The following ZNF70 variants were observed in gnomAD, a reference collection of about 807,000 sequenced individuals.
ZNF70 encodes the protein zinc finger protein N27C7-1.
In ZNF70, 18 loss-of-function variants were observed where a neutral mutation model predicts 37.7. The ratio of observed to expected loss-of-function variants is 0.48; its 90% CI spans 0.33 to 0.71. ZNF70 has a LOEUF of 0.71. ZNF70 is among the 30% of genes least tolerant of loss of function. ZNF70 has a pLI of 0.02. For synonymous variants in ZNF70, 219 were observed against 220.1 expected (o/e 0.99, Z 0.05); for missense variants, 506 against 568.6 (o/e 0.89, Z 1.12).
rs1309573388 is a variant in ZNF70 at position 23,750,949 on chromosome 22, C to T, written c.-318G>A. 6.6e-6 allele frequency: 1 copy of T among 152,342 alleles called. No homozygotes were observed. Among genetic ancestry groups the T allele is most frequent in the Non-Finnish European group, 1.5e-5 (1 of 68,142 alleles). The allele number at this position is 152,342 out of a possible 1,614,324, so 9.4% of individuals were successfully genotyped here. A position where few individuals can be genotyped will look rare whatever the true frequency, so the allele number is the denominator to read the frequency against. On this transcript the variant is annotated 5_prime_UTR_variant, in exon 1 of 2. Coordinates refer to ENST00000341976, the MANE Select transcript of ZNF70 (RefSeq NM_021916.4). ...GGAGGGACAGGTGGTCAGGCGGACTCAGGTCACACCGGCGGACGCGGGGCC... is the reference window on the plus strand; with the variant it reads ...GGAGGGACAGGTGGTCAGGCGGACTTAGGTCACACCGGCGGACGCGGGGCC...
chr22:23,745,396 C>A (rs1246684188), intron 1 of ZNF70, among the ~76,000 whole-genome samples, 177 bp from the exon 2 acceptor site: 1 of 152,158 alleles, frequency 6.6e-6, no homozygotes, highest in Non-Finnish European at 1.5e-5. Flanking sequence ...CAATTGAAGG[C>A]AGACAGACAG....
In ZNF70 at chr22:23,741,155, A is replaced by G. The variant is rs1362850554; in HGVS notation, c.*2645T>C. 2 of 152,282 alleles carry G rather than the reference A, an allele frequency of 1.3e-5. No individual in the cohort carries two copies. Among genetic ancestry groups the G allele is most frequent in the East Asian group, 3.8e-4 (2 of 5,196 alleles). 9.4% of individuals were successfully genotyped at this position (152,282 alleles called of 1,614,324 possible). ...GTGCAAAATGATGCTTTAAAAATCA[A>G]TTTGGCTGGGGTGTGCAGGAAGGAT... On this transcript the variant is annotated 3_prime_UTR_variant, in exon 2 of 2. Transcript: ENST00000341976.
At position 23,744,712 on chromosome 22, in the gene ZNF70, T is replaced by C. The variant is rs1470421593; in HGVS notation, c.429A>G (p.Arg143=). ...TCTGGCTGAAGGCCTTCCCACACTC[T>C]CGACACGCATAGGGCTTGGCTGGTT... ...TPQPAKPYAC[R]ECGKAFSQSS... The change falls in exon 2 of 2, where the codon CGA becomes CGG. Residue 143 remains arginine (R), a synonymous_variant. Transcript: ENST00000341976. The C allele has an allele frequency of 4.3e-6, 7 of 1,614,064 alleles. No homozygotes were observed. Among genetic ancestry groups the C allele is most frequent in the African/African-American group, 2.7e-5 (2 of 74,922 alleles).
Position 23,745,041 on chromosome 22 carries a change from G to A in ZNF70, c.100C>T (p.Pro34Ser). 6.2e-7 allele frequency: 1 copy of A among 1,614,092 alleles called. No homozygotes were observed. The highest frequency in any genetic ancestry group is 8.5e-7 in the Non-Finnish European group (1 of 1,180,022). ...TCCAAACCTCTTTCCTGAAGAAAAGGGTCCCCCAGGTCCTCCCCTGGGAAA... is the reference window on the plus strand; with the variant it reads ...TCCAAACCTCTTTCCTGAAGAAAAGAGTCCCCCAGGTCCTCCCCTGGGAAA... Reference protein sequence around the residue: ...GLFPGEDLGDPFLQERGLEQM... With the variant: ...GLFPGEDLGDSFLQERGLEQM... Residue 34 changes from proline to serine, a missense_variant, in exon 2 of 2, where the codon CCT becomes TCT. Transcript: ENST00000341976.
chr22:23,747,102 C>G lies in ZNF70; in HGVS notation c.-79-1883G>C, dbSNP rs569398158. On this transcript the variant is annotated intron_variant, in intron 1 of 1. Coordinates refer to ENST00000341976, the MANE Select transcript of ZNF70 (RefSeq NM_021916.4). ...AATAAATTATCAAATGGAGGAAAAG[C>G]CATTTGTTTTTCTAGAACTGTCACT... Among the ~76,000 whole-genome samples the G allele has an allele frequency of 3.3e-4, 51 of 152,274 alleles. No homozygotes were observed. In the South Asian group the frequency reaches 7.9e-3, roughly 24 times the overall value.
rs1924794964 is a variant in ZNF70, at chr22:23,738,868, TG to T, written c.*4931del. 2 of 152,156 alleles carry T rather than the reference TG, an allele frequency of 1.3e-5. No individual in the cohort carries two copies. Among genetic ancestry groups the T allele is most frequent in the Non-Finnish European group, 2.9e-5 (2 of 68,040 alleles). 9.4% of individuals were successfully genotyped at this position (152,156 alleles called of 1,614,324 possible). A position where few individuals can be genotyped will look rare whatever the true frequency, so the allele number is the denominator to read the frequency against. On this transcript the variant is annotated 3_prime_UTR_variant, in exon 2 of 2. Coordinates refer to ENST00000341976, the MANE Select transcript of ZNF70 (RefSeq NM_021916.4). ...GATCAGGTAAATGAGTGTTCTGAAC[TG>T]CTTTGGTGTCACAGAGGCATTTAAA...
Position 23,744,652 on chromosome 22 carries a change from A to G in ZNF70, c.489T>C (p.Thr163=). 1 of 1,612,454 alleles carries G rather than the reference A, an allele frequency of 6.2e-7. No individual in the cohort carries two copies. The highest frequency in any genetic ancestry group is 8.5e-7 in the Non-Finnish European group (1 of 1,179,494). The change falls in exon 2 of 2, where the codon ACT becomes ACC. Residue 163 remains threonine, a synonymous_variant. Coordinates refer to ENST00000341976, the MANE Select transcript of ZNF70 (RefSeq NM_021916.4). The part of the protein sequence containing the change: ...SHLLRHLVIH[T]GEKPYECCEC... ...CACAGCACTCATAGGGCTTCTCCCC[A>G]GTGTGGATCACCAGGTGTCGGAGCA... is the stretch of plus-strand genomic sequence containing the variant.
chr22:23,740,447 TGAGA>T lies in ZNF70; in HGVS notation c.*3349_*3352del, dbSNP rs1924839742. On this transcript the variant is annotated 3_prime_UTR_variant, in exon 2 of 2. Transcript: ENST00000341976. ...ACACTGTTTGAGAATCTAAATAGAA[TGAGA>T]GAGTTTAAAAAAAAAAATCTAATAA... 1 of 151,794 alleles carries T rather than the reference TGAGA, an allele frequency of 6.6e-6. No individual in the cohort carries two copies. The highest frequency in any genetic ancestry group is 2.1e-4 in the South Asian group (1 of 4,812). The allele number at this position is 151,794 out of a possible 1,614,324, so 9.4% of individuals were successfully genotyped here. A position where few individuals can be genotyped will look rare whatever the true frequency, so the allele number is the denominator to read the frequency against.
chr22:23,747,627 C>T (rs1031257477), intron 1 of ZNF70, among the ~76,000 whole-genome samples: 4 of 152,036 alleles, frequency 2.6e-5, no homozygotes, highest in Admixed American at 6.6e-5. Flanking sequence ...GTCACGAGAT[C>T]GAGACCATCC....
chr22:23,744,739 T>G lies in ZNF70; in HGVS notation c.402A>C (p.Pro134=). 1 of 1,614,220 alleles carries G rather than the reference T, an allele frequency of 6.2e-7. No individual in the cohort carries two copies. Among genetic ancestry groups the G allele is most frequent in the Non-Finnish European group, 8.5e-7 (1 of 1,180,038 alleles). The part of the protein sequence containing the change: ...DSGPNAPHRT[P]QPAKPYACRE... ...GACACGCATAGGGCTTGGCTGGTTG[T>G]GGGGTTCTGTGAGGTGCGTTAGGTC... Residue 134 remains proline, a synonymous_variant, in exon 2 of 2, where the codon CCA becomes CCC. Transcript: ENST00000341976.
chr22:23,743,112 T>C lies in ZNF70; in HGVS notation c.*688A>G, dbSNP rs1924935232. 1 of 152,396 alleles carries C rather than the reference T, an allele frequency of 6.6e-6. No homozygotes were observed. The highest frequency in any genetic ancestry group is 2.4e-5 in the African/African-American group (1 of 41,430). 9.4% of individuals were successfully genotyped at this position (152,396 alleles called of 1,614,324 possible). ...GTCAAACATCCTCTGGCCAACAGGA[T>C]CAAATCTCTATCCTCCTGTAACAGA... On this transcript the variant is annotated 3_prime_UTR_variant, in exon 2 of 2. Coordinates refer to ENST00000341976, the MANE Select transcript of ZNF70 (RefSeq NM_021916.4).
intron 1 of ZNF70, among the ~76,000 whole-genome samples, chr22:23,748,927 C>T (rs1248409688): frequency 6.6e-6 from 1 of 151,784 alleles, no homozygotes; most frequent in Non-Finnish European, 1.5e-5. Flanking sequence ...AAAGTATTTT[C>T]TTTTTCCAGA....
At chr22:23,750,619 G>A (rs1276401384) in intron 1 of ZNF70, 92 bp downstream of exon 1, 1 of 152,216 alleles carries the variant, frequency 6.6e-6, no homozygotes, top group East Asian at 1.9e-4. Context: ...TCTCCACTCA[G>A]AAAAAAGTTG....
In ZNF70 at chr22:23,741,077, G is replaced by A. The variant is rs1476088187; in HGVS notation, c.*2723C>T. On this transcript the variant is annotated 3_prime_UTR_variant, in exon 2 of 2. Coordinates refer to ENST00000341976, the MANE Select transcript of ZNF70 (RefSeq NM_021916.4). ...GGTAAACCAGGTTGGCTGAAACGAG[G>A]GTTTACGTGCAGGAAAGCTCCTGAA... is the stretch of plus-strand genomic sequence containing the variant. 1.3e-5 allele frequency: 2 copies of A among 152,292 alleles called. No homozygotes were observed. The highest frequency in any genetic ancestry group is 1.3e-4 in the Admixed American group (2 of 15,258). 9.4% of individuals were successfully genotyped at this position (152,292 alleles called of 1,614,324 possible).
At position 23,744,161 on chromosome 22, in the gene ZNF70, C is replaced by T. The variant is rs150605230; in HGVS notation, c.980G>A (p.Arg327His). The T allele has an allele frequency of 9.5e-5, 154 of 1,613,382 alleles. No homozygotes were observed. The African/African-American group carries it at 1.4e-3, about 14-fold the overall frequency. The change falls in exon 2 of 2, where the codon CGC (arginine) becomes CAC (histidine). Residue 327 changes from arginine (R) to histidine (H), a missense_variant. By Grantham distance (29) the Arg-to-His change is conservative. Coordinates refer to ENST00000341976, the MANE Select transcript of ZNF70 (RefSeq NM_021916.4). The part of the protein sequence containing the change: ...FSQSSNLIEH[R>H]KTHTGEKPYK... ...GGGCTTCTCGCCAGTGTGGGTCTTG[C>T]GGTGCTCAATGAGGTTGGAGCTCTG...
In ZNF70 at chr22:23,744,129, AT is replaced by A; in HGVS notation, c.1011del (p.Lys337AsnfsTer43). On this transcript the variant is annotated frameshift_variant, in exon 2 of 2. Coordinates refer to ENST00000341976, the MANE Select transcript of ZNF70 (RefSeq NM_021916.4). LOFTEE classifies it high-confidence loss of function. ...CTGAAGGCTTTCCCACACTTCTGGCATTTGTAGGGCTTCTCGCCAGTGTGGG... is the reference window on the plus strand; with the variant it reads ...CTGAAGGCTTTCCCACACTTCTGGCATTGTAGGGCTTCTCGCCAGTGTGGG... ...RKTHTGEKPY[K>X]CQKCGKAFSQ... is the part of the protein sequence containing the mutation. 6.2e-7 allele frequency: 1 copy of A among 1,613,974 alleles called. No individual in the cohort carries two copies. Among genetic ancestry groups the A allele is most frequent in the Admixed American group, 1.7e-5 (1 of 59,986 alleles).
Position 23,743,754 on chromosome 22 carries a change from G to A in ZNF70, c.*46C>T. ...TGGAGACCACGCGACGTGGAATAAA[G>A]GCTCCATCTGGCACAGGCTTTCAAG... is the stretch of plus-strand genomic sequence containing the variant. On this transcript the variant is annotated 3_prime_UTR_variant, in exon 2 of 2. Transcript: ENST00000341976. 1 of 1,572,392 alleles carries A rather than the reference G, an allele frequency of 6.4e-7. No homozygotes were observed. The highest frequency in any genetic ancestry group is 8.6e-7 in the Non-Finnish European group (1 of 1,161,416).
In ZNF70 at chr22:23,744,239, A is replaced by G; in HGVS notation, c.902T>C (p.Ile301Thr). The change falls in exon 2 of 2, where the codon ATC (isoleucine) becomes ACC (threonine). Residue 301 changes from isoleucine to threonine, a missense_variant. Ile to Thr is a moderately conservative substitution (Grantham distance 89, BLOSUM62 -1). Transcript: ENST00000341976. The stretch of plus-strand genomic sequence containing the variant: ...TTTGTATGGTTTCTTCCCAGTGTGG[A>G]TCCGCTGGTGTCGGATGAGGTGTGA... Reference protein sequence around the residue: ...HRSHLIRHQRIHTGKKPYKCD... With the variant: ...HRSHLIRHQRTHTGKKPYKCD... The G allele has an allele frequency of 6.2e-7, 1 of 1,613,240 alleles. No homozygotes were observed. The highest frequency in any genetic ancestry group is 8.5e-7 in the Non-Finnish European group (1 of 1,179,780).
At chr22:23,748,552 T>C (rs543102308) in intron 1 of ZNF70, among the ~76,000 whole-genome samples, 36 of 151,886 alleles carry the variant, frequency 2.4e-4, no homozygotes, top group African/African-American at 8.4e-4. Context: ...AATGATTTTT[T>C]TTTTTTTTTG....
Sources: gnomAD v4.1 joint callset for allele counts (sites outside exome capture counted in the v4.1 genomes callset) on GRCh38, gnomAD v4.1.1 for gene constraint, MANE v1.5 for transcripts, NCBI Gene and HGNC (gene_info 2026-07-23, HGNC 2026-07-21) for gene names.